Variants in SPATA13 observed in about 807,000 individuals in gnomAD.
SPATA13 encodes spermatogenesis associated 13, also known as spermatogenesis-associated protein 13.
SPATA13 carries 50 observed loss-of-function variants against 104.0 expected under a neutral mutation model. The observed-to-expected ratio is 0.48, with a 90% confidence interval of 0.38 to 0.61. The LOEUF is 0.61. Among genes scored for constraint, SPATA13 ranks in the 20% least tolerant of loss-of-function variants. SPATA13 has a pLI of 0.00. For missense variants in SPATA13, 1,524 were observed against 1,690.6 expected (o/e 0.90, Z 1.73); for synonymous variants, 606 against 667.5 (o/e 0.91, Z 1.42).
At position 24,303,149 on chromosome 13, in the gene SPATA13, C is replaced by A. The variant is rs2138784063; in HGVS notation, c.*376C>A. The A allele has an allele frequency of 2.7e-6, 1 of 370,948 alleles. No individual in the cohort carries two copies. The highest frequency in any genetic ancestry group is 5.3e-6 in the Non-Finnish European group (1 of 188,760). 23.0% of individuals were successfully genotyped at this position (370,948 alleles called of 1,614,324 possible). ...ACACAGCATCCAGGGCTTTGCAGTTCCTAAGGAGTGATGAGGTTAGAGGAT... is the reference window on the plus strand; with the variant it reads ...ACACAGCATCCAGGGCTTTGCAGTTACTAAGGAGTGATGAGGTTAGAGGAT... On this transcript the variant is annotated 3_prime_UTR_variant, in exon 13 of 13. Coordinates refer to ENST00000382108, the MANE Select transcript of SPATA13 (RefSeq NM_001166271.3).
At chr13:24,040,451 C>T (rs1877876809) in intron 3 of SPATA13, among the ~76,000 whole-genome samples, 1 of 152,082 alleles carries the variant, frequency 6.6e-6, no homozygotes, top group African/African-American at 2.4e-5. Context: ...AAATTCACAG[C>T]ACCGCCCTTG....
chr13:24,039,126 T>C (rs1395762437), intron 3 of SPATA13, among the ~76,000 whole-genome samples: 1 of 152,236 alleles, frequency 6.6e-6, no homozygotes, highest in African/African-American at 2.4e-5. Flanking sequence ...TCTCTATAAT[T>C]AGTGAACCTT....
intron 4 of SPATA13, chr13:24,271,009 C>CCACTCTCTCT: frequency 1.2e-6 from 1 of 813,712 alleles, no homozygotes; most frequent in Non-Finnish European, 2.1e-6. Flanking sequence ...CTCTCTCTCT[C>CCACTCTCTCT]CACTCTCTCT....
intron 1 of SPATA13, among the ~76,000 whole-genome samples, chr13:24,209,263 T>C (rs537478941): frequency 5.5e-4 from 84 of 152,334 alleles, no homozygotes; most frequent in African/African-American, 1.7e-3. Flanking sequence ...CTATTAAACC[T>C]CAGTTAGGCT....
chr13:24,289,742 A>G (rs1876203613), intron 8 of SPATA13, among the ~76,000 whole-genome samples: 1 of 152,196 alleles, frequency 6.6e-6, no homozygotes, highest in Non-Finnish European at 1.5e-5. Context: ...GATAACATGC[A>G]TTTATCATTT....
At chr13:24,117,475 C>T (rs755960574) in intron 3 of SPATA13, among the ~76,000 whole-genome samples, 8 of 152,176 alleles carry the variant, frequency 5.3e-5, no homozygotes, top group Non-Finnish European at 7.4e-5. Context: ...GACAATACTT[C>T]ATCAAATATA....
chr13:24,300,188 C>G (rs936735108), intron 11 of SPATA13, among the ~76,000 whole-genome samples: 1 of 152,116 alleles, frequency 6.6e-6, no homozygotes, highest in Non-Finnish European at 1.5e-5. Context: ...CCAAACTGTC[C>G]GGGTTTGCAG....
At chr13:24,096,055 C>T (rs868049750) in intron 3 of SPATA13, among the ~76,000 whole-genome samples, 1 of 152,170 alleles carries the variant, frequency 6.6e-6, no homozygotes. Flanking sequence ...CCTTTATCTC[C>T]CAGAGCCCTC....
chr13:24,195,722 G>A (rs147780775), intron 1 of SPATA13, among the ~76,000 whole-genome samples: 1 of 152,254 alleles, frequency 6.6e-6, no homozygotes, highest in African/African-American at 2.4e-5. Context: ...TTACTGATTT[G>A]TTGATTTCAC....
chr13:24,265,302 C>G (rs1874249649), intron 4 of SPATA13, among the ~76,000 whole-genome samples: 1 of 152,198 alleles, frequency 6.6e-6, no homozygotes, highest in Non-Finnish European at 1.5e-5. Flanking sequence ...CTAGGACATG[C>G]CATGCCCTGT....
intron 3 of SPATA13, among the ~76,000 whole-genome samples, chr13:24,023,259 C>CTCA (rs1157933750): frequency 6.6e-6 from 1 of 152,170 alleles, no homozygotes; most frequent in Non-Finnish European, 1.5e-5. Context: ...AGGACATGAA[C>CTCA]TCATCCTTTT....
At chr13:24,278,866 G>A in intron 4 of SPATA13, 1 of 1,454,294 alleles carries the variant, frequency 6.9e-7, no homozygotes, top group Non-Finnish European at 9.1e-7. Context: ...TCCACATGCT[G>A]TTTTTCTTTC....
At chr13:24,074,422 G>A (rs1453521891) in intron 3 of SPATA13, among the ~76,000 whole-genome samples, 3 of 152,082 alleles carry the variant, frequency 2.0e-5, no homozygotes, top group African/African-American at 7.2e-5. Flanking sequence ...GGACACTTGG[G>A]TTGCTTCCAC....
chr13:24,224,248 T>C lies in SPATA13; in HGVS notation c.1319T>C (p.Leu440Ser). The C allele has an allele frequency of 6.4e-7, 1 of 1,551,672 alleles. No individual in the cohort carries two copies. Among genetic ancestry groups the C allele is most frequent in the Non-Finnish European group, 8.7e-7 (1 of 1,146,982 alleles). The change falls in exon 2 of 13, where the codon TTG becomes TCG. Residue 440 changes from leucine (L) to serine (S), a missense_variant. Physicochemically the swap from Leu to Ser is moderately radical, Grantham distance 145. This residue lies in a region of SPATA13 where 1,089 missense variants were observed against 1,135.9 expected (regional missense o/e 0.96). Transcript: ENST00000382108. ...CCAAGCCCGATTGTCCAGGATGTGT[T>C]GAGCAAAGACTCCTGTGACCCAAAC... ...SLPSPIVQDV[L>S]SKDSCDPNAG...
chr13:24,081,712 A>T (rs1419544664), intron 3 of SPATA13, among the ~76,000 whole-genome samples: 2 of 40,274 alleles, frequency 5.0e-5, no homozygotes, highest in Non-Finnish European at 1.9e-4. Flanking sequence ...GCATAAATTT[A>T]AAAAAAATTA....
chr13:24,193,886 T>C (rs1052318233), intron 1 of SPATA13, among the ~76,000 whole-genome samples: 1 of 152,140 alleles, frequency 6.6e-6, no homozygotes, highest in Non-Finnish European at 1.5e-5. Flanking sequence ...TGCTGGGTGG[T>C]GCCCAGAAGA....
chr13:24,124,762 T>C (rs1881152323), intron 3 of SPATA13, among the ~76,000 whole-genome samples: 1 of 152,244 alleles, frequency 6.6e-6, no homozygotes, highest in South Asian at 2.1e-4. Flanking sequence ...ATGTGTACAC[T>C]ACTTTTACAT....
At chr13:23,991,236 G>C (rs575895660) in intron 2 of SPATA13, among the ~76,000 whole-genome samples, 1 of 152,218 alleles carries the variant, frequency 6.6e-6, no homozygotes, top group African/African-American at 2.4e-5. Flanking sequence ...CTAAGAACCT[G>C]TGCTGTCTTT....
intron 1 of SPATA13, among the ~76,000 whole-genome samples, 180 bp from the exon 2 acceptor site, chr13:24,222,639 T>G (rs1269185502): frequency 1.3e-5 from 2 of 152,212 alleles, no homozygotes; most frequent in Non-Finnish European, 2.9e-5. Flanking sequence ...TGTCCAGGGA[T>G]GTATATTTGC....
Sources: allele counts gnomAD v4.1 joint callset (sites outside exome capture counted in the v4.1 genomes callset), GRCh38; gene constraint gnomAD v4.1.1; regional missense constraint gnomAD v4.1.1; transcripts MANE v1.5; gene names NCBI Gene and HGNC (gene_info 2026-07-23, HGNC 2026-07-21).